Variants in OPCML observed in about 807,000 individuals in gnomAD.
The protein encoded by OPCML is opioid-binding protein/cell adhesion molecule.
Under a neutral mutation model 37.8 loss-of-function variants are expected in OPCML, and 13 were observed. That is an observed-to-expected ratio of 0.34 (90% CI 0.22 to 0.55). OPCML has a LOEUF of 0.55. Among genes scored for constraint, OPCML ranks in the 20% least tolerant of loss-of-function variants. The pLI is 0.91. For synonymous variants in OPCML, 176 were observed against 168.8 expected (o/e 1.04, Z -0.33); for missense variants, 341 against 435.6 (o/e 0.78, Z 1.93).
In OPCML at chr11:132,417,518, T is replaced by C. The variant is rs957233968; in HGVS notation, c.*2675A>G. The C allele has an allele frequency of 3.3e-5, 5 of 152,338 alleles. No individual in the cohort carries two copies. Among genetic ancestry groups the C allele is most frequent in the Admixed American group, 1.3e-4 (2 of 15,296 alleles). 9.4% of individuals were successfully genotyped at this position (152,338 alleles called of 1,614,324 possible). On this transcript the variant is annotated 3_prime_UTR_variant, in exon 8 of 8. Coordinates refer to ENST00000524381, the MANE Select transcript of OPCML (RefSeq NM_001012393.5). ...TGGAAGGGGGAACAGCAGGGTTCCA[T>C]AGTGGCCCTGAAGCCAGCCTTGTTG...
chr11:133,385,637 C>T lies in OPCML; in HGVS notation c.61+146627G>A, dbSNP rs572237161. On this transcript the variant is annotated intron_variant, in intron 1 of 7. Coordinates refer to ENST00000524381, the MANE Select transcript of OPCML (RefSeq NM_001012393.5). ...GTGCCTCTAATACTCAAGACAATGC[C>T]ATCTGACTGATGAGGAAGCTGAAAC... Among the ~76,000 whole-genome samples, 4 of 151,998 alleles carry T rather than the reference C, an allele frequency of 2.6e-5. No homozygotes were observed. In the South Asian group the frequency reaches 8.3e-4, roughly 32 times the overall value.
chr11:133,118,142 G>C, intron 1 of OPCML: 1 of 808,194 alleles, frequency 1.2e-6, no homozygotes, highest in Non-Finnish European at 1.5e-6. Context: ...TGGACTGCAG[G>C]AACTACTTTT....
chr11:132,535,677 G>C (rs1332935747), intron 3 of OPCML, among the ~76,000 whole-genome samples: 2 of 152,202 alleles, frequency 1.3e-5, no homozygotes, highest in African/African-American at 4.8e-5. Flanking sequence ...GACCCAGTGA[G>C]AGGGGTTCAG....
intron 1 of OPCML, among the ~76,000 whole-genome samples, chr11:133,399,773 A>G (rs1257901394): frequency 6.6e-6 from 1 of 151,920 alleles, no homozygotes; most frequent in African/African-American, 2.4e-5. Flanking sequence ...CCAGATTTCT[A>G]CTTCCTTAAG....
intron 2 of OPCML, among the ~76,000 whole-genome samples, chr11:132,719,043 A>C (rs1297768419): frequency 6.6e-6 from 1 of 152,116 alleles, no homozygotes; most frequent in East Asian, 1.9e-4. Flanking sequence ...CTCAAGGCTG[A>C]CCCCAAAATA....
chr11:133,304,230 C>T (rs1212852776), intron 1 of OPCML, among the ~76,000 whole-genome samples: 2 of 152,182 alleles, frequency 1.3e-5, no homozygotes, highest in Non-Finnish European at 2.9e-5. Context: ...ATGAAGCTTA[C>T]ATTCACTATA....
At position 133,166,675 on chromosome 11, in the gene OPCML, G is replaced by A. The variant is rs535933904; in HGVS notation, c.62-223665C>T. Among the ~76,000 whole-genome samples, 308 of 152,288 alleles carry A rather than the reference G, an allele frequency of 2.0e-3. 2 individuals carry two copies. The highest frequency in any genetic ancestry group is 3.3e-3 in the Non-Finnish European group (224 of 68,020). ...GTGCAGGCTGGCTCTGAGCCGGACC[G>A]TGCTCCTCATCAGACCTCCTTCTCC... On this transcript the variant is annotated intron_variant, in intron 1 of 7. Transcript: ENST00000524381.
intron 2 of OPCML, among the ~76,000 whole-genome samples, chr11:132,672,836 C>T (rs551004449): frequency 6.6e-6 from 1 of 152,230 alleles, no homozygotes; most frequent in Admixed American, 6.5e-5. Flanking sequence ...TTTCATTGTA[C>T]TGTCATTTGT....
At chr11:132,953,683 G>T (rs1258892703) in intron 1 of OPCML, among the ~76,000 whole-genome samples, 1 of 152,106 alleles carries the variant, frequency 6.6e-6, no homozygotes, top group African/African-American at 2.4e-5. Flanking sequence ...GTGGAAAATG[G>T]ATCCTTCCTC....
At chr11:132,584,052 A>G (rs898729418) in intron 3 of OPCML, among the ~76,000 whole-genome samples, 7 of 152,218 alleles carry the variant, frequency 4.6e-5, no homozygotes, top group Non-Finnish European at 1.5e-5. Flanking sequence ...CAAAAATCAA[A>G]AAAAGTAACT....
intron 1 of OPCML, among the ~76,000 whole-genome samples, chr11:133,120,446 G>A (rs899092231): frequency 3.3e-5 from 5 of 152,112 alleles, no homozygotes; most frequent in African/African-American, 7.2e-5. Context: ...AAGCTTTCCC[G>A]AGCACTTACC....
At chr11:133,322,516 A>G (rs568989162) in intron 1 of OPCML, among the ~76,000 whole-genome samples, 22 of 152,140 alleles carry the variant, frequency 1.4e-4, no homozygotes, top group African/African-American at 4.8e-4. Flanking sequence ...GCCCCAGCCA[A>G]TGGATTTTTA....
At chr11:133,501,782 A>G (rs971648365) in intron 1 of OPCML, among the ~76,000 whole-genome samples, 4 of 151,880 alleles carry the variant, frequency 2.6e-5, no homozygotes, top group Non-Finnish European at 4.4e-5. Flanking sequence ...CGTGAGTCAC[A>G]TAACCTCCTC....
At chr11:133,148,603 C>T (rs374339591) in intron 1 of OPCML, among the ~76,000 whole-genome samples, 22 of 152,164 alleles carry the variant, frequency 1.4e-4, no homozygotes, top group African/African-American at 4.8e-4. Flanking sequence ...CTTCATTGCT[C>T]GCTCCATCCC....
At chr11:133,282,392 C>T (rs1942182799) in intron 1 of OPCML, among the ~76,000 whole-genome samples, 1 of 152,206 alleles carries the variant, frequency 6.6e-6, no homozygotes, top group African/African-American at 2.4e-5. Flanking sequence ...TAAGCCTTGG[C>T]AGCTTGCACA....
chr11:133,084,565 G>A (rs1948790980), intron 1 of OPCML, among the ~76,000 whole-genome samples: 1 of 152,150 alleles, frequency 6.6e-6, no homozygotes, highest in Non-Finnish European at 1.5e-5. Flanking sequence ...AGGATATTCG[G>A]CTTGGCTTGG....
intron 1 of OPCML, among the ~76,000 whole-genome samples, chr11:133,059,549 C>A (rs934623732): frequency 2.6e-5 from 4 of 152,186 alleles, no homozygotes; most frequent in Non-Finnish European, 4.4e-5. Flanking sequence ...GAAACCCAAA[C>A]GCCAGTTTCA....
At chr11:133,161,646 C>T (rs1458942067) in intron 1 of OPCML, among the ~76,000 whole-genome samples, 1 of 152,048 alleles carries the variant, frequency 6.6e-6, no homozygotes, top group African/African-American at 2.4e-5. Context: ...TAACTCACAT[C>T]AAATGGAGAA....
chr11:132,877,554 C>T (rs1193474282), intron 2 of OPCML, among the ~76,000 whole-genome samples: 1 of 152,154 alleles, frequency 6.6e-6, no homozygotes, highest in Non-Finnish European at 1.5e-5. Flanking sequence ...TTCTGACAGT[C>T]CTCATAGGTA....
Sources: gnomAD v4.1 joint callset for allele counts (sites outside exome capture counted in the v4.1 genomes callset) on GRCh38, gnomAD v4.1.1 for gene constraint, MANE v1.5 for transcripts, NCBI Gene and HGNC (gene_info 2026-07-23, HGNC 2026-07-21) for gene names.